CAMTA1: variants seen among roughly 807,000 people sequenced by gnomAD.
CAMTA1 encodes the protein calmodulin binding transcription activator 1.
In CAMTA1, 27 loss-of-function variants were observed where a neutral mutation model predicts 170.9. The ratio of observed to expected loss-of-function variants is 0.16; its 90% CI spans 0.12 to 0.22. CAMTA1 has a LOEUF of 0.22. Among genes scored for constraint, CAMTA1 ranks in the 10% least tolerant of loss-of-function variants. The pLI, the probability that CAMTA1 is intolerant of heterozygous loss-of-function variation, is 1.00. For missense variants in CAMTA1, 1,619 were observed against 2,217.2 expected, an observed-to-expected ratio of 0.73 and a Z score of 5.42; for synonymous variants, 833 against 891.5, an observed-to-expected ratio of 0.93 and a Z score of 1.17.
rs2150258046 is a variant in CAMTA1 at position 7,561,279 on chromosome 1, CA to C, written c.511-79120del. On this transcript the variant is annotated intron_variant, in intron 6 of 22. Transcript: ENST00000303635. This position sits in a 1 kb window ranked among gnomAD's most constrained non-coding sequence, Gnocchi z 5.3. ...CATCCCAGCCCCTCTACCATCTGCTCAGCTACCAAGGCTGAGGTTGGTGCTC... is the reference window on the plus strand; with the variant it reads ...CATCCCAGCCCCTCTACCATCTGCTCGCTACCAAGGCTGAGGTTGGTGCTC... Among the ~76,000 whole-genome samples, 1 of 151,870 alleles carries C rather than the reference CA, an allele frequency of 6.6e-6. No homozygotes were observed. Among genetic ancestry groups the C allele is most frequent in the African/African-American group, 2.4e-5 (1 of 41,458 alleles).
At chr1:7,379,904 G>A (rs933914637) in intron 5 of CAMTA1, among the ~76,000 whole-genome samples, 1 of 152,246 alleles carries the variant, frequency 6.6e-6, no homozygotes, top group Non-Finnish European at 1.5e-5. Context: ...GCGCCATGGA[G>A]CAGAGACTTG....
rs115358250 is a variant in CAMTA1, at chr1:6,942,334, T to C, written c.234+117124T>C. Among the ~76,000 whole-genome samples, 554 of 152,322 alleles carry C rather than the reference T, an allele frequency of 3.6e-3. 2 individuals carry two copies. The highest frequency in any genetic ancestry group is 0.013 in the African/African-American group (533 of 41,574). ...AGTATTACAATTTTATAAAATATTC[T>C]TCATTTGGCTGGTGGATAAACCCCA... On this transcript the variant is annotated intron_variant, in intron 3 of 22. Coordinates refer to ENST00000303635, the MANE Select transcript of CAMTA1 (RefSeq NM_015215.4).
At chr1:7,427,217 C>T (rs10864302) in intron 5 of CAMTA1, among the ~76,000 whole-genome samples, 38,629 of 152,068 alleles carry the variant, frequency 0.25, 5,773 homozygotes, top group East Asian at 0.55. Context: ...ACCTTTTGAC[C>T]GCTTCCTAAG....
rs1250641986 is a variant in CAMTA1 at position 7,768,250 on chromosome 1, C to G, written c.*1759C>G. 1.3e-5 allele frequency: 2 copies of G among 151,968 alleles called. No homozygotes were observed. Among genetic ancestry groups the G allele is most frequent in the South Asian group, 2.1e-4 (1 of 4,820 alleles). 9.4% of individuals were successfully genotyped at this position (151,968 alleles called of 1,614,324 possible). A position where few individuals can be genotyped will look rare whatever the true frequency, so the allele number is the denominator to read the frequency against. ...AAAAATGAAAAAGATGCAGACTGGT[C>G]TTTTAGAGACGGCATGGTATATTAC... On this transcript the variant is annotated 3_prime_UTR_variant, in exon 23 of 23. Transcript: ENST00000303635.
At chr1:7,309,510 G>A (rs1237230068) in intron 5 of CAMTA1, among the ~76,000 whole-genome samples, 6 of 151,088 alleles carry the variant, frequency 4.0e-5, no homozygotes, top group South Asian at 2.1e-4. Context: ...CGTTTTAGCC[G>A]GGATGGTCTC....
At chr1:7,684,291 C>T (rs1458237931) in intron 11 of CAMTA1, among the ~76,000 whole-genome samples, 1 of 152,228 alleles carries the variant, frequency 6.6e-6, no homozygotes, top group Non-Finnish European at 1.5e-5. Flanking sequence ...CTGCCACCTG[C>T]GGGCCAGATG....
chr1:7,241,414 T>C (rs903696422), intron 4 of CAMTA1, among the ~76,000 whole-genome samples: 3 of 152,208 alleles, frequency 2.0e-5, no homozygotes, highest in Admixed American at 2.0e-4. Flanking sequence ...ATTAAAATTC[T>C]AGCAGCCTTT....
chr1:7,740,576 T>G (rs2096804406), intron 16 of CAMTA1, among the ~76,000 whole-genome samples: 2 of 152,212 alleles, frequency 1.3e-5, no homozygotes, highest in Admixed American at 6.5e-5. Context: ...CTTCCCACAG[T>G]GGTGGACGTG....
At chr1:7,180,268 G>A (rs778053715) in intron 4 of CAMTA1, among the ~76,000 whole-genome samples, 10 of 152,050 alleles carry the variant, frequency 6.6e-5, no homozygotes, top group Admixed American at 6.6e-5. Flanking sequence ...TTGGGAGGCT[G>A]AGGCAGGAGA....
intron 7 of CAMTA1, among the ~76,000 whole-genome samples, chr1:7,647,276 GA>G (rs1441947130): frequency 1.1e-5 from 1 of 91,134 alleles, no homozygotes; most frequent in African/African-American, 3.8e-5. Context: ...CAAAGATCCA[GA>G]AGGGGGGGGG....
chr1:7,354,366 G>A (rs1158480920), intron 5 of CAMTA1, among the ~76,000 whole-genome samples: 2 of 151,170 alleles, frequency 1.3e-5, no homozygotes, highest in South Asian at 4.2e-4. Context: ...AGCCAGGATG[G>A]TCTTGATCTC....
At chr1:7,104,149 C>G (rs1484327562) in intron 4 of CAMTA1, among the ~76,000 whole-genome samples, 1 of 132,788 alleles carries the variant, frequency 7.5e-6, no homozygotes, top group Non-Finnish European at 1.6e-5. Flanking sequence ...GTACACACAA[C>G]ACACATATGC....
intron 3 of CAMTA1, among the ~76,000 whole-genome samples, chr1:7,003,323 T>C (rs538350113): frequency 8.5e-5 from 13 of 152,262 alleles, no homozygotes; most frequent in Non-Finnish European, 8.8e-5. Context: ...AGATTTGTTA[T>C]ATCTGAATTG....
At chr1:7,720,528 C>T (rs2096642846) in intron 11 of CAMTA1, among the ~76,000 whole-genome samples, 1 of 152,086 alleles carries the variant, frequency 6.6e-6, no homozygotes, top group South Asian at 2.1e-4. Flanking sequence ...ACTACAGGCA[C>T]CTACCACCAT....
At position 7,736,271 on chromosome 1, in the gene CAMTA1, C is replaced by G; in HGVS notation, c.3067-73C>G. On this transcript the variant is annotated intron_variant, in intron 12 of 22. Transcript: ENST00000303635. The surrounding 1 kb of genome is among the most constrained non-coding windows in gnomAD (Gnocchi z 4.5). The stretch of plus-strand genomic sequence containing the variant: ...GTTTCTAATCGTAAAGCATTTGTTT[C>G]CCCTACATCGAAGCGCTGATGGGGT... 1 of 1,238,072 alleles carries G rather than the reference C, an allele frequency of 8.1e-7. No individual in the cohort carries two copies. The highest frequency in any genetic ancestry group is 2.2e-5 in the Admixed American group (1 of 46,406). 76.7% of individuals were successfully genotyped at this position (1,238,072 alleles called of 1,614,324 possible). A position where few individuals can be genotyped will look rare whatever the true frequency, so the allele number is the denominator to read the frequency against.
intron 5 of CAMTA1, among the ~76,000 whole-genome samples, chr1:7,301,202 T>C (rs543141172): frequency 6.6e-6 from 1 of 152,310 alleles, no homozygotes; most frequent in South Asian, 2.1e-4. Flanking sequence ...TCTTTGCATA[T>C]TATGGGTCTG....
chr1:7,003,754 A>G (rs1698581950), intron 3 of CAMTA1, among the ~76,000 whole-genome samples: 1 of 152,260 alleles, frequency 6.6e-6, no homozygotes, highest in African/African-American at 2.4e-5. Context: ...TTCATATACC[A>G]GCAAGAAAAA....
At chr1:6,872,821 A>G (rs913274724) in intron 3 of CAMTA1, among the ~76,000 whole-genome samples, 1 of 152,232 alleles carries the variant, frequency 6.6e-6, no homozygotes, top group Non-Finnish European at 1.5e-5. Flanking sequence ...TGAAGCACAG[A>G]TTACTTTTTA....
Position 7,093,576 on chromosome 1 carries a change from C to T in CAMTA1, c.302+2205C>T, listed in dbSNP as rs558821721. ...CAGACCCGTGCTGGGTTTCAGCCAC[C>T]CTTTGACGGCAGAACAGTAGAACAT... On this transcript the variant is annotated intron_variant, in intron 4 of 22. Transcript: ENST00000303635. The surrounding 1 kb of genome is among the most constrained non-coding windows in gnomAD (Gnocchi z 4.6). Among the ~76,000 whole-genome samples, 6 of 152,262 alleles carry T rather than the reference C, an allele frequency of 3.9e-5. No homozygotes were observed. The highest frequency in any genetic ancestry group is 6.5e-5 in the Admixed American group (1 of 15,296).
Sources: allele counts gnomAD v4.1 joint callset (sites outside exome capture counted in the v4.1 genomes callset), GRCh38; gene constraint gnomAD v4.1.1; non-coding constraint Gnocchi (gnomAD v3.1); transcripts MANE v1.5; gene names NCBI Gene and HGNC (gene_info 2026-07-23, HGNC 2026-07-21).